The following TSHZ2 variants were observed in gnomAD, a reference collection of about 807,000 sequenced individuals.
TSHZ2 encodes the protein teashirt zinc finger homeobox 2.
TSHZ2 carries 21 observed loss-of-function variants against 74.4 expected under a neutral mutation model. The ratio of observed to expected loss-of-function variants is 0.28; its 90% CI spans 0.20 to 0.41. The LOEUF is 0.41. Among genes scored for constraint, TSHZ2 ranks in the 10% least tolerant of loss-of-function variants. The probability of loss-of-function intolerance (pLI) is 1.00; values close to 1 mark genes in which losing one functional copy is unlikely to be tolerated. For synonymous variants in TSHZ2, 540 were observed against 515.3 expected (o/e 1.05, Z -0.65); for missense variants, 1,244 against 1,293.5 (o/e 0.96, Z 0.59).
At chr20:53,351,002 C>A (rs1980625333) in intron 2 of TSHZ2, among the ~76,000 whole-genome samples, 1 of 152,210 alleles carries the variant, frequency 6.6e-6, no homozygotes, top group Admixed American at 6.5e-5. Context: ...AAGGTTCCAG[C>A]CATAATTTTT....
intron 2 of TSHZ2, among the ~76,000 whole-genome samples, chr20:53,472,584 G>A (rs1011524345): frequency 7.2e-5 from 11 of 152,144 alleles, no homozygotes; most frequent in South Asian, 2.1e-4. Context: ...TCACCAGCAC[G>A]CAGACGATAT....
In TSHZ2 at chr20:53,395,051, A is replaced by C. The variant is rs1982399708; in HGVS notation, c.*9-92093A>C. Among the ~76,000 whole-genome samples, 3 of 152,078 alleles carry C rather than the reference A, an allele frequency of 2.0e-5. No individual in the cohort carries two copies. The South Asian group carries it at 6.2e-4, about 31-fold the overall frequency. On this transcript the variant is annotated intron_variant, in intron 2 of 2. Transcript: ENST00000371497. The stretch of plus-strand genomic sequence containing the variant: ...CCAAGTTCTCTTCAGCATGCGGGGA[A>C]GGTAGAGGAGCTTTAAAGTGGAGGA...
intron 2 of TSHZ2, among the ~76,000 whole-genome samples, chr20:53,321,825 T>C (rs1979283496): frequency 6.6e-6 from 1 of 152,120 alleles, no homozygotes; most frequent in Admixed American, 6.6e-5. Context: ...ATTGTTGTCA[T>C]GGACAGTGTG....
At chr20:53,333,794 TTA>T (rs568878889) in intron 2 of TSHZ2, among the ~76,000 whole-genome samples, 25 of 152,288 alleles carry the variant, frequency 1.6e-4, no homozygotes, top group African/African-American at 5.1e-4. Flanking sequence ...TACATAGCTC[TTA>T]TGTTTCCTTC....
At chr20:52,997,768 C>A (rs1242712584) in intron 1 of TSHZ2, among the ~76,000 whole-genome samples, 1 of 152,194 alleles carries the variant, frequency 6.6e-6, no homozygotes, top group Non-Finnish European at 1.5e-5. Context: ...AAAGGATTCC[C>A]AAGCTCCAGG....
intron 1 of TSHZ2, among the ~76,000 whole-genome samples, chr20:53,017,938 T>G (rs1380688771): frequency 6.6e-6 from 1 of 152,188 alleles, no homozygotes; most frequent in Non-Finnish European, 1.5e-5. Flanking sequence ...CTGATCCAAA[T>G]AGATATTTTA....
chr20:53,112,810 C>T (rs1215735506), intron 1 of TSHZ2, among the ~76,000 whole-genome samples: 3 of 152,198 alleles, frequency 2.0e-5, no homozygotes, highest in African/African-American at 4.8e-5. Context: ...GGCGTGTGCC[C>T]CTACACCCAG....
chr20:53,057,657 G>A (rs181576958), intron 1 of TSHZ2, among the ~76,000 whole-genome samples: 183 of 152,182 alleles, frequency 1.2e-3, no homozygotes, highest in African/African-American at 4.2e-3. Context: ...AGGAGAAGCT[G>A]GTATACCTAA....
chr20:53,441,241 T>TTTTAA (rs1984307070), intron 2 of TSHZ2, among the ~76,000 whole-genome samples: 1 of 144,982 alleles, frequency 6.9e-6, no homozygotes. Context: ...TTTTATTTTA[T>TTTTAA]TTTATTTTAT....
At chr20:53,019,000 T>C (rs1238393378) in intron 1 of TSHZ2, among the ~76,000 whole-genome samples, 1 of 152,224 alleles carries the variant, frequency 6.6e-6, no homozygotes, top group Non-Finnish European at 1.5e-5. Flanking sequence ...TGATTCCCTA[T>C]TTAAAGTGCT....
chr20:53,273,796 G>A (rs979215813), intron 2 of TSHZ2, among the ~76,000 whole-genome samples: 3 of 152,148 alleles, frequency 2.0e-5, no homozygotes, highest in African/African-American at 7.2e-5. Context: ...TGCCTAGGGA[G>A]GAGAAGGGAC....
chr20:53,248,146 C>T (rs548806492), intron 1 of TSHZ2, among the ~76,000 whole-genome samples: 1 of 152,206 alleles, frequency 6.6e-6, no homozygotes, highest in Admixed American at 6.5e-5. Flanking sequence ...TCACAGCTCA[C>T]TGCAGCCTCA....
intron 1 of TSHZ2, among the ~76,000 whole-genome samples, chr20:52,999,837 C>A (rs73284157): frequency 0.023 from 3,430 of 152,210 alleles, 150 homozygotes; most frequent in African/African-American, 0.078. Flanking sequence ...ATGCTGTATA[C>A]CCCAACCATG....
At chr20:53,115,610 A>G (rs1042598851) in intron 1 of TSHZ2, among the ~76,000 whole-genome samples, 1 of 152,196 alleles carries the variant, frequency 6.6e-6, no homozygotes, top group Admixed American at 6.6e-5. Flanking sequence ...TACAGGTGGC[A>G]TGACAAAAAT....
intron 2 of TSHZ2, among the ~76,000 whole-genome samples, chr20:53,403,738 T>C (rs1279731319): frequency 2.0e-5 from 3 of 152,184 alleles, no homozygotes; most frequent in East Asian, 3.8e-4. Flanking sequence ...AGCATATCAA[T>C]AGTGGATTTG....
At chr20:53,081,840 A>G (rs1985545088) in intron 1 of TSHZ2, among the ~76,000 whole-genome samples, 2 of 151,978 alleles carry the variant, frequency 1.3e-5, no homozygotes, top group South Asian at 2.1e-4. Flanking sequence ...TTTTAGAAAC[A>G]CACAAACACC....
chr20:53,469,597 G>GAAGA (rs1985699911), intron 2 of TSHZ2, among the ~76,000 whole-genome samples: 1 of 53,482 alleles, frequency 1.9e-5, no homozygotes, highest in African/African-American at 7.5e-5. Flanking sequence ...AGGAAGGAAG[G>GAAGA]ACCCAAGAAA....
intron 1 of TSHZ2, among the ~76,000 whole-genome samples, chr20:53,194,710 T>C (rs967148090): frequency 6.6e-6 from 1 of 152,242 alleles, no homozygotes; most frequent in African/African-American, 2.4e-5. Context: ...GTGATCATTA[T>C]TAAGGCCTGG....
intron 1 of TSHZ2, among the ~76,000 whole-genome samples, chr20:52,980,930 C>T (rs1281131248): frequency 1.3e-5 from 2 of 152,140 alleles, no homozygotes; most frequent in Non-Finnish European, 2.9e-5. Flanking sequence ...TATTTAGGAG[C>T]CTCTCTTTTA....
Sources: allele counts gnomAD v4.1 joint callset (sites outside exome capture counted in the v4.1 genomes callset), GRCh38; gene constraint gnomAD v4.1.1; transcripts MANE v1.5; gene names NCBI Gene and HGNC (gene_info 2026-07-23, HGNC 2026-07-21).